The following DIMT1 variants were observed in gnomAD, a reference collection of about 807,000 sequenced individuals.
The protein encoded by DIMT1 is dimethyladenosine transferase.
A neutral mutation model predicts 43.2 loss-of-function variants in DIMT1; 36 were observed. The observed-to-expected ratio is 0.83, with a 90% CI of 0.64 to 1.10. DIMT1 has a LOEUF of 1.10. Among genes scored for constraint, DIMT1 ranks in the 50% least tolerant of loss-of-function variants. DIMT1 has a pLI of 0.00. For missense variants in DIMT1, 341 were observed against 385.3 expected, an observed-to-expected ratio of 0.88 and a Z score of 0.96; for synonymous variants, 126 against 130.3, an observed-to-expected ratio of 0.97 and a Z score of 0.22.
Position 62,392,325 on chromosome 5 carries a change from C to G in DIMT1, c.729-91G>C. On this transcript the variant is annotated intron_variant, in intron 9 of 11. Coordinates refer to ENST00000199320, the MANE Select transcript of DIMT1 (RefSeq NM_014473.4). ...AACTTTTTTTTAACTAATACATAAG[C>G]CATTTAAGCAATAATTTCATTTTAG... 3.3e-6 allele frequency: 3 copies of G among 922,050 alleles called. No individual in the cohort carries two copies. In the South Asian group the frequency reaches 4.6e-5, roughly 14 times the overall value. 57.1% of individuals were successfully genotyped at this position (922,050 alleles called of 1,614,324 possible).
chr5:62,401,705 C>G (rs1742712937), intron 3 of DIMT1, among the ~76,000 whole-genome samples: 1 of 149,652 alleles, frequency 6.7e-6, no homozygotes, highest in Non-Finnish European at 1.5e-5. Context: ...GCCCCAGCCT[C>G]CCAAGTAGCT....
rs1001939584 is a variant in DIMT1, at chr5:62,387,787, A to G, written c.*1223T>C. ...GTATATTATTTCATATTTGTTTAAC[A>G]AAAGCAGCTTGATGCCTTTGTTCTG... On this transcript the variant is annotated 3_prime_UTR_variant, in exon 12 of 12. Coordinates refer to ENST00000199320, the MANE Select transcript of DIMT1 (RefSeq NM_014473.4). The G allele has an allele frequency of 6.6e-6, 1 of 152,154 alleles. No homozygotes were observed. Among genetic ancestry groups the G allele is most frequent in the African/African-American group, 2.4e-5 (1 of 41,458 alleles). The allele number at this position is 152,154 out of a possible 1,614,324, so 9.4% of individuals were successfully genotyped here. A position where few individuals can be genotyped will look rare whatever the true frequency, so the allele number is the denominator to read the frequency against.
intron 10 of DIMT1, 32 bp downstream of exon 10, chr5:62,392,136 AATC>A: frequency 6.2e-7 from 1 of 1,606,962 alleles, no homozygotes; most frequent in South Asian, 1.1e-5. Flanking sequence ...AAAGAAAACA[AATC>A]AATGAAACTG....
In DIMT1 at chr5:62,402,112, C is replaced by G. The variant is rs762716422; in HGVS notation, c.164G>C (p.Arg55Thr). Residue 55 changes from arginine to threonine, a missense_variant, in exon 3 of 12, where the codon AGA (arginine) becomes ACA (threonine). Physicochemically the swap from Arg to Thr is moderately conservative, Grantham distance 71. Coordinates refer to ENST00000199320, the MANE Select transcript of DIMT1 (RefSeq NM_014473.4). The stretch of plus-strand genomic sequence containing the variant: ...AACTTCCAGCACTACATCAGTTGGT[C>G]TTAAGGCAGCCTAAAAGCAAGCACA... The part of the protein sequence containing the change: ...INSIIDKAAL[R>T]PTDVVLEVGP... The G allele has an allele frequency of 6.2e-7, 1 of 1,613,914 alleles. No individual in the cohort carries two copies. The highest frequency in any genetic ancestry group is 1.1e-5 in the South Asian group (1 of 91,062).
At chr5:62,398,592 A>C (rs758017887) in intron 5 of DIMT1, 32 bp from the exon 6 acceptor site, 2 of 1,612,874 alleles carry the variant, frequency 1.2e-6, no homozygotes, top group Admixed American at 3.3e-5. Flanking sequence ...ATTTCCGGGA[A>C]AGACACATCA....
intron 10 of DIMT1, 154 bp downstream of exon 10, chr5:62,392,017 T>G (rs1742320625): frequency 1.3e-6 from 2 of 1,548,812 alleles, no homozygotes; most frequent in Non-Finnish European, 1.7e-6. Context: ...CTGTCAGAAT[T>G]CAAGTCAAAA....
rs1177626362 is a variant in DIMT1 at position 62,387,497 on chromosome 5, T to C, written c.*1513A>G. The C allele has an allele frequency of 6.6e-6, 1 of 152,174 alleles. No individual in the cohort carries two copies. Among genetic ancestry groups the C allele is most frequent in the African/African-American group, 2.4e-5 (1 of 41,444 alleles). 9.4% of individuals were successfully genotyped at this position (152,174 alleles called of 1,614,324 possible). ...TATAGACAAATATGCTGCCTTACAC[T>C]ATGATGGCTTCATTCTGATCAGGTA... On this transcript the variant is annotated 3_prime_UTR_variant, in exon 12 of 12. Transcript: ENST00000199320.
chr5:62,393,380 TA>T (rs1316449015), intron 8 of DIMT1, among the ~76,000 whole-genome samples: 1 of 152,016 alleles, frequency 6.6e-6, no homozygotes, highest in Admixed American at 6.6e-5. Context: ...AACCCCATCT[TA>T]AAAAAAGAAA....
intron 7 of DIMT1, 113 bp downstream of exon 7, chr5:62,394,371 A>G: frequency 8.6e-7 from 1 of 1,164,536 alleles, no homozygotes; most frequent in Non-Finnish European, 1.3e-6. Context: ...GGGACTCGAG[A>G]AGATTGCTTG....
chr5:62,388,759 G>T lies in DIMT1; in HGVS notation c.*251C>A, dbSNP rs1039998527. On this transcript the variant is annotated 3_prime_UTR_variant, in exon 12 of 12. Coordinates refer to ENST00000199320, the MANE Select transcript of DIMT1 (RefSeq NM_014473.4). ...AGAAATGATAAGTGTAAAGTTGTGC[G>T]TCTCTGCGGCTCCTGAACTTGAAGA... The T allele has an allele frequency of 8.0e-6, 4 of 500,064 alleles. No individual in the cohort carries two copies. Among genetic ancestry groups the T allele is most frequent in the Non-Finnish European group, 1.4e-5 (4 of 279,266 alleles). 31.0% of individuals were successfully genotyped at this position (500,064 alleles called of 1,614,324 possible).
chr5:62,395,734 G>A (rs1015923998), intron 6 of DIMT1, among the ~76,000 whole-genome samples: 2 of 152,118 alleles, frequency 1.3e-5, no homozygotes, highest in South Asian at 2.1e-4. Flanking sequence ...CTGGTGTGGC[G>A]GCACACACCT....
At position 62,393,973 on chromosome 5, in the gene DIMT1, T is replaced by C. The variant is rs752781300; in HGVS notation, c.645A>G (p.Pro215=). ...SVVRIEPKNP[P]PPINFQEWDG... ...ACCTCACCTGAAAATTGATGGGTGG[T>C]GGTGGATTCTTAGGTTCTATCCTTA... The change falls in exon 8 of 12, where the codon CCA becomes CCG. Residue 215 remains proline, a synonymous_variant. Coordinates refer to ENST00000199320, the MANE Select transcript of DIMT1 (RefSeq NM_014473.4). 1.9e-6 allele frequency: 3 copies of C among 1,610,030 alleles called. No homozygotes were observed. In the East Asian group the frequency reaches 6.7e-5, roughly 36 times the overall value.
intron 3 of DIMT1, among the ~76,000 whole-genome samples, chr5:62,401,495 CAAAAAA>C (rs563279122): frequency 5.0e-5 from 3 of 60,498 alleles, no homozygotes; most frequent in African/African-American, 1.9e-4. Context: ...ATTCCCTCTC[CAAAAAA>C]AAAAAAAAAA....
intron 3 of DIMT1, among the ~76,000 whole-genome samples, chr5:62,400,875 C>A (rs1742677351): frequency 1.3e-5 from 2 of 152,068 alleles, no homozygotes. Context: ...CCTCCCACCT[C>A]AGCCTCCCTG....
intron 6 of DIMT1, among the ~76,000 whole-genome samples, chr5:62,398,233 T>C (rs1196367994): frequency 6.6e-6 from 1 of 152,186 alleles, no homozygotes; most frequent in African/African-American, 2.4e-5. Context: ...ACCACTGCAA[T>C]TGTCTAGACA....
chr5:62,398,090 C>T (rs1320288422), intron 6 of DIMT1, among the ~76,000 whole-genome samples: 2 of 152,110 alleles, frequency 1.3e-5, no homozygotes, highest in African/African-American at 4.8e-5. Flanking sequence ...CAGTGCCTCA[C>T]ACTAGATCCT....
intron 6 of DIMT1, 105 bp from the exon 7 acceptor site, chr5:62,394,712 G>C: frequency 6.7e-7 from 1 of 1,501,884 alleles, no homozygotes; most frequent in Admixed American, 1.9e-5. Context: ...AGCATTGGCA[G>C]CTGATTATAA....
At chr5:62,394,366 T>A in intron 7 of DIMT1, 118 bp downstream of exon 7, 1 of 1,116,982 alleles carries the variant, frequency 9.0e-7, no homozygotes, top group Non-Finnish European at 1.3e-6. Context: ...TACTCGGGAC[T>A]CGAGAAGATT....
intron 6 of DIMT1, among the ~76,000 whole-genome samples, chr5:62,395,597 A>G (rs1328237193): frequency 6.6e-6 from 1 of 151,824 alleles, no homozygotes; most frequent in African/African-American, 2.4e-5. Flanking sequence ...ACAAAAAAAA[A>G]GAATGGTCAT....
Sources: gnomAD v4.1 joint callset for allele counts (sites outside exome capture counted in the v4.1 genomes callset) on GRCh38, gnomAD v4.1.1 for gene constraint, MANE v1.5 for transcripts, NCBI Gene and HGNC (gene_info 2026-07-23, HGNC 2026-07-21) for gene names.